DLG2: variants seen among roughly 807,000 people sequenced by gnomAD.
DLG2 encodes disks large homolog 2.
Under a neutral mutation model 132.5 loss-of-function variants are expected in DLG2, and 45 were observed. That is an observed-to-expected ratio of 0.34 (90% CI 0.27 to 0.44). DLG2 has a LOEUF of 0.44. Ranked by LOEUF, DLG2 falls within the 20% of genes least tolerant of loss-of-function variation. DLG2 has a pLI of 1.00. For synonymous variants in DLG2, 424 were observed against 419.6 expected, an observed-to-expected ratio of 1.01 and a Z score of -0.13; for missense variants, 1,045 against 1,196.9, an observed-to-expected ratio of 0.87 and a Z score of 1.87.
At chr11:84,314,274 CTAA>C (rs1346814713) in intron 7 of DLG2, among the ~76,000 whole-genome samples, 1 of 152,134 alleles carries the variant, frequency 6.6e-6, no homozygotes, top group Non-Finnish European at 1.5e-5. Context: ...ATCAAGGATT[CTAA>C]TGTTTAGTAT....
At chr11:84,910,998 T>C (rs2154077356) in intron 6 of DLG2, among the ~76,000 whole-genome samples, 1 of 152,284 alleles carries the variant, frequency 6.6e-6, no homozygotes, top group Non-Finnish European at 1.5e-5. Context: ...AGACAATTAT[T>C]ATGTAGAGGA....
chr11:83,863,650 T>TAAA (rs144936465), intron 16 of DLG2, among the ~76,000 whole-genome samples: 8,444 of 151,870 alleles, frequency 0.056, 569 homozygotes, highest in African/African-American at 0.16. Flanking sequence ...TTTATAGACT[T>TAAA]AAAAAAATAA....
intron 7 of DLG2, among the ~76,000 whole-genome samples, chr11:84,403,302 C>A (rs558101624): frequency 1.3e-5 from 2 of 152,150 alleles, no homozygotes; most frequent in African/African-American, 2.4e-5. Flanking sequence ...CAAATTCATA[C>A]CCTGCCTCAA....
At chr11:85,069,889 A>T (rs1204685791) in intron 6 of DLG2, among the ~76,000 whole-genome samples, 4 of 152,126 alleles carry the variant, frequency 2.6e-5, no homozygotes, top group Admixed American at 2.0e-4. Context: ...AATAGCAAAG[A>T]CTTGGAACCA....
At chr11:85,422,866 C>G (rs1002666048) in intron 3 of DLG2, among the ~76,000 whole-genome samples, 1 of 151,528 alleles carries the variant, frequency 6.6e-6, no homozygotes, top group Non-Finnish European at 1.5e-5. Flanking sequence ...TTTTTATTTC[C>G]TTACATTGGG....
chr11:84,901,818 T>C (rs1236940605), intron 6 of DLG2, among the ~76,000 whole-genome samples: 1 of 152,060 alleles, frequency 6.6e-6, no homozygotes, highest in Non-Finnish European at 1.5e-5. Context: ...AAACTCTTAA[T>C]ATATTTGAAT....
chr11:83,700,585 A>T (rs1372337961), intron 18 of DLG2, among the ~76,000 whole-genome samples: 2 of 152,238 alleles, frequency 1.3e-5, no homozygotes, highest in African/African-American at 4.8e-5. Context: ...ATGATTTAAA[A>T]ACAAGAATGT....
At chr11:84,951,658 CTATA>C (rs563048967) in intron 6 of DLG2, among the ~76,000 whole-genome samples, 2 of 148,508 alleles carry the variant, frequency 1.3e-5, no homozygotes, top group African/African-American at 2.5e-5. Context: ...TATATGCATT[CTATA>C]TATATATACA....
intron 7 of DLG2, among the ~76,000 whole-genome samples, chr11:84,390,977 T>G (rs920843127): frequency 2.6e-5 from 4 of 152,208 alleles, no homozygotes; most frequent in Admixed American, 2.6e-4. Context: ...GACAACAGTT[T>G]TAAGAGTCAG....
intron 19 of DLG2, among the ~76,000 whole-genome samples, chr11:83,606,678 A>G (rs536020433): frequency 5.9e-5 from 9 of 152,012 alleles, no homozygotes; most frequent in African/African-American, 2.2e-4. Context: ...CTGTAATCCC[A>G]GCACTTTGGG....
chr11:85,548,141 T>G (rs2076445017), intron 3 of DLG2, among the ~76,000 whole-genome samples: 1 of 152,228 alleles, frequency 6.6e-6, no homozygotes, highest in Admixed American at 6.5e-5. Context: ...CTTTGGTCTT[T>G]GAAGTCGGTG....
At chr11:84,704,493 T>A (rs2059576039) in intron 6 of DLG2, among the ~76,000 whole-genome samples, 1 of 151,450 alleles carries the variant, frequency 6.6e-6, no homozygotes, top group Non-Finnish European at 1.5e-5. Flanking sequence ...AGACAGTCAT[T>A]CCTTCATGTA....
chr11:84,337,911 G>C (rs184106648), intron 7 of DLG2, among the ~76,000 whole-genome samples: 4 of 152,294 alleles, frequency 2.6e-5, no homozygotes, highest in East Asian at 3.9e-4. Flanking sequence ...ATTTCACTGA[G>C]AGCTGGCAAT....
intron 4 of DLG2, among the ~76,000 whole-genome samples, chr11:85,183,090 G>A (rs1179951044): frequency 2.0e-5 from 3 of 151,786 alleles, no homozygotes; most frequent in East Asian, 1.9e-4. Context: ...TCTGGAGCCA[G>A]TCCTGACCAA....
chr11:84,702,495 G>A (rs1376085466), intron 6 of DLG2, among the ~76,000 whole-genome samples: 1 of 151,660 alleles, frequency 6.6e-6, no homozygotes, highest in Non-Finnish European at 1.5e-5. Flanking sequence ...GACTTAAAAT[G>A]TAAAAGGTCT....
At chr11:84,167,688 C>A (rs986950380) in intron 8 of DLG2, among the ~76,000 whole-genome samples, 1 of 150,972 alleles carries the variant, frequency 6.6e-6, no homozygotes, top group African/African-American at 2.4e-5. Context: ...TTTTTCGAGA[C>A]GGAGTTTCAG....
intron 19 of DLG2, among the ~76,000 whole-genome samples, chr11:83,624,755 A>T (rs1004970622): frequency 6.6e-6 from 1 of 152,222 alleles, no homozygotes; most frequent in Admixed American, 6.5e-5. Context: ...CACGACTATC[A>T]TTATCCATAA....
At chr11:83,823,233 T>G (rs2051367703) in intron 17 of DLG2, among the ~76,000 whole-genome samples, 1 of 152,124 alleles carries the variant, frequency 6.6e-6, no homozygotes, top group Non-Finnish European at 1.5e-5. Context: ...TCTTTAAAAC[T>G]TGAGAACTCT....
chr11:84,972,660 C>T (rs2054264826), intron 6 of DLG2, among the ~76,000 whole-genome samples: 1 of 152,154 alleles, frequency 6.6e-6, no homozygotes, highest in Non-Finnish European at 1.5e-5. Flanking sequence ...AGAAGACAAC[C>T]TATTGCTTTT....
Sources: allele counts gnomAD v4.1 joint callset (sites outside exome capture counted in the v4.1 genomes callset), GRCh38; gene constraint gnomAD v4.1.1; transcripts MANE v1.5; gene names NCBI Gene and HGNC (gene_info 2026-07-23, HGNC 2026-07-21).